HDAC9: variants seen among roughly 807,000 people sequenced by gnomAD.
HDAC9 encodes MEF-2 interacting transcription repressor (MITR) protein.
Under a neutral mutation model 139.4 loss-of-function variants are expected in HDAC9, and 41 were observed. The ratio of observed to expected loss-of-function variants is 0.29; its 90% confidence interval spans 0.23 to 0.38. The LOEUF (loss-of-function observed/expected upper bound fraction) is 0.38. HDAC9 is among the 10% of genes least tolerant of loss of function. HDAC9 has a pLI of 1.00. For missense variants in HDAC9, 1,147 were observed against 1,297.0 expected (o/e 0.88, Z 1.78); for synonymous variants, 517 against 476.2 (o/e 1.09, Z -1.12).
In HDAC9 at chr7:18,495,981, G is replaced by C. The variant is rs1334982013; in HGVS notation, c.-84G>C. The C allele has an allele frequency of 3.9e-6, 5 of 1,290,684 alleles. No homozygotes were observed. The African/African-American group carries it at 6.1e-5, about 16-fold the overall frequency. 80.0% of individuals were successfully genotyped at this position (1,290,684 alleles called of 1,614,324 possible). On this transcript the variant is annotated 5_prime_UTR_variant, in exon 1 of 26. Coordinates refer to ENST00000686413, the MANE Select transcript of HDAC9 (RefSeq NM_178425.4). The stretch of plus-strand genomic sequence containing the variant: ...AGTTTCCGGGATAACCTAAACTCCA[G>C]AGAGCTATAGCATCCACTCTGTCCT...
chr7:18,870,651 AATCTT>A (rs1424247277), intron 21 of HDAC9, among the ~76,000 whole-genome samples: 1 of 152,106 alleles, frequency 6.6e-6, no homozygotes, highest in Admixed American at 6.6e-5. Context: ...TTTGTCCACT[AATCTT>A]ATTTATTATC....
chr7:18,655,514 A>G (rs1363355972), intron 11 of HDAC9, among the ~76,000 whole-genome samples: 1 of 152,186 alleles, frequency 6.6e-6, no homozygotes, highest in Non-Finnish European at 1.5e-5. Context: ...ATACCAGCTT[A>G]TATCATCACA....
chr7:18,945,016 A>T (rs1165592963), intron 23 of HDAC9, among the ~76,000 whole-genome samples: 1 of 152,138 alleles, frequency 6.6e-6, no homozygotes, highest in Non-Finnish European at 1.5e-5. Flanking sequence ...GACATTTTAT[A>T]TGTGTTTCTT....
chr7:18,528,085 T>C (rs757755762), intron 2 of HDAC9, among the ~76,000 whole-genome samples: 3 of 151,998 alleles, frequency 2.0e-5, no homozygotes, highest in East Asian at 3.9e-4. Flanking sequence ...GAACTCAAGT[T>C]CAAGTGGAGT....
intron 9 of HDAC9, among the ~76,000 whole-genome samples, chr7:18,645,019 A>T (rs1444749575): frequency 6.6e-6 from 1 of 152,138 alleles, no homozygotes; most frequent in Non-Finnish European, 1.5e-5. Flanking sequence ...TAACATTTGT[A>T]TAATGGTTTA....
At chr7:18,866,472 T>C (rs1207589428) in intron 21 of HDAC9, among the ~76,000 whole-genome samples, 1 of 152,150 alleles carries the variant, frequency 6.6e-6, no homozygotes, top group Non-Finnish European at 1.5e-5. Flanking sequence ...TCCTTGTTGG[T>C]TGCCCGCTCT....
intron 2 of HDAC9, among the ~76,000 whole-genome samples, chr7:18,212,209 A>T (rs1373002312): frequency 6.6e-6 from 1 of 152,184 alleles, no homozygotes; most frequent in Non-Finnish European, 1.5e-5. Flanking sequence ...ATTAGAAGAA[A>T]AAATCTTCTT....
chr7:18,789,234 C>G (rs1039082078), intron 16 of HDAC9, among the ~76,000 whole-genome samples: 1 of 151,586 alleles, frequency 6.6e-6, no homozygotes, highest in African/African-American at 2.4e-5. Flanking sequence ...ATCCTAATCT[C>G]CCTTTCAGCT....
chr7:18,900,459 G>A (rs1801598486), intron 22 of HDAC9, among the ~76,000 whole-genome samples: 1 of 152,080 alleles, frequency 6.6e-6, no homozygotes, highest in Non-Finnish European at 1.5e-5. Context: ...CCTTTGCCCT[G>A]TCTGTCCCCT....
At chr7:18,107,653 C>G (rs1309051244) in intron 1 of HDAC9, among the ~76,000 whole-genome samples, 2 of 152,026 alleles carry the variant, frequency 1.3e-5, no homozygotes, top group Non-Finnish European at 2.9e-5. Flanking sequence ...GATTTAAGGC[C>G]TAAAGTGGAT....
At chr7:18,978,669 G>C (rs1784705497) in intron 25 of HDAC9, among the ~76,000 whole-genome samples, 1 of 152,172 alleles carries the variant, frequency 6.6e-6, no homozygotes, top group Non-Finnish European at 1.5e-5. Context: ...GTCACATATA[G>C]CATACTACTT....
chr7:18,640,123 C>A (rs1344740952), intron 8 of HDAC9, among the ~76,000 whole-genome samples: 1 of 151,500 alleles, frequency 6.6e-6, no homozygotes, highest in East Asian at 1.9e-4. Context: ...ACTGGCCAGG[C>A]ATGGGGGCTC....
intron 1 of HDAC9, among the ~76,000 whole-genome samples, chr7:18,412,834 A>G (rs1490294142): frequency 6.6e-6 from 1 of 152,210 alleles, no homozygotes; most frequent in Non-Finnish European, 1.5e-5. Context: ...CATCTAATGA[A>G]AACTTGAAAA....
At position 18,767,002 on chromosome 7, in the gene HDAC9, G is replaced by A. The variant is rs115971461; in HGVS notation, c.2165-104G>A. ...TTATTAATTTATTTTTGCATCAAAC[G>A]ATAAATACCATGTGACATATTATTA... is the stretch of plus-strand genomic sequence containing the variant. On this transcript the variant is annotated intron_variant, in intron 15 of 25. Coordinates refer to ENST00000686413, the MANE Select transcript of HDAC9 (RefSeq NM_178425.4). The A allele has an allele frequency of 2.3e-3, 1,122 of 496,386 alleles. 8 individuals are homozygous for A. The highest frequency in any genetic ancestry group is 0.02 in the African/African-American group (969 of 49,630). 30.7% of individuals were successfully genotyped at this position (496,386 alleles called of 1,614,324 possible).
intron 1 of HDAC9, among the ~76,000 whole-genome samples, chr7:18,405,830 G>A (rs1461794886): frequency 6.6e-6 from 1 of 152,180 alleles, no homozygotes; most frequent in Non-Finnish European, 1.5e-5. Flanking sequence ...TTAACCTGTA[G>A]CATAAAAACA....
chr7:18,843,166 C>A (rs921711972), intron 21 of HDAC9, among the ~76,000 whole-genome samples: 1 of 152,016 alleles, frequency 6.6e-6, no homozygotes, highest in Non-Finnish European at 1.5e-5. Context: ...ATGTTTAATT[C>A]TTTTCTCTAG....
At chr7:18,455,412 A>G (rs1266167286) in intron 1 of HDAC9, among the ~76,000 whole-genome samples, 3 of 152,174 alleles carry the variant, frequency 2.0e-5, no homozygotes, top group Non-Finnish European at 4.4e-5. Flanking sequence ...TCATTACACA[A>G]TTGAAGAATC....
chr7:18,741,886 C>T (rs762894082), intron 13 of HDAC9, among the ~76,000 whole-genome samples: 4 of 152,196 alleles, frequency 2.6e-5, no homozygotes, highest in African/African-American at 9.6e-5. Flanking sequence ...GAGGAACTAA[C>T]TGCAGAAGTA....
At chr7:18,626,405 A>T (rs1841736660) in intron 6 of HDAC9, among the ~76,000 whole-genome samples, 1 of 152,186 alleles carries the variant, frequency 6.6e-6, no homozygotes, top group Admixed American at 6.5e-5. Flanking sequence ...TTCAGCCCCC[A>T]TGGGCTTAGA....
Sources: allele counts gnomAD v4.1 joint callset (sites outside exome capture counted in the v4.1 genomes callset), GRCh38; gene constraint gnomAD v4.1.1; transcripts MANE v1.5; gene names NCBI Gene and HGNC (gene_info 2026-07-23, HGNC 2026-07-21).